The following B3GALT1 variants were observed in gnomAD, a reference collection of about 807,000 sequenced individuals.
B3GALT1 encodes UDP-Gal:betaGlcNAc beta 1,3-galactosyltransferase, polypeptide 1.
B3GALT1 carries 10 observed loss-of-function variants against 23.2 expected under a neutral mutation model. The observed-to-expected ratio is 0.43, with a 90% CI of 0.27 to 0.73. The LOEUF (loss-of-function observed/expected upper bound fraction) is 0.73. B3GALT1 is among the 30% of genes least tolerant of loss of function. The probability of loss-of-function intolerance (pLI) is 0.21; values close to 1 mark genes in which losing one functional copy is unlikely to be tolerated. For synonymous variants in B3GALT1, 156 were observed against 141.5 expected (o/e 1.10, Z -0.73); for missense variants, 299 against 405.4 (o/e 0.74, Z 2.25).
At chr2:167,770,279 T>C (rs1474646369) in intron 3 of B3GALT1, among the ~76,000 whole-genome samples, 1 of 152,172 alleles carries the variant, frequency 6.6e-6, no homozygotes, top group African/African-American at 2.4e-5. Context: ...GCTGTTTCGC[T>C]TCATTTTTAT....
chr2:167,469,967 A>G (rs925159884), intron 1 of B3GALT1, among the ~76,000 whole-genome samples: 3 of 152,160 alleles, frequency 2.0e-5, no homozygotes, highest in African/African-American at 7.2e-5. Context: ...CTTTCCCACA[A>G]TGTTGATTCT....
chr2:167,722,134 G>A (rs1446563268), intron 3 of B3GALT1, among the ~76,000 whole-genome samples: 1 of 152,178 alleles, frequency 6.6e-6, no homozygotes, highest in East Asian at 1.9e-4. Context: ...TCTAGTACCA[G>A]TACTCGTTTA....
chr2:167,804,183 T>A (rs1166880647), intron 3 of B3GALT1, among the ~76,000 whole-genome samples: 1 of 152,082 alleles, frequency 6.6e-6, no homozygotes, highest in Non-Finnish European at 1.5e-5. Context: ...AGAGACGAGA[T>A]TTCACCACGT....
chr2:167,856,609 AAG>A (rs1403676344), intron 4 of B3GALT1, among the ~76,000 whole-genome samples: 5 of 152,190 alleles, frequency 3.3e-5, no homozygotes, highest in Admixed American at 3.3e-4. Context: ...GGAGTGAAAG[AAG>A]AGAGTGACTC....
At chr2:167,502,777 C>T (rs1214088963) in intron 2 of B3GALT1, among the ~76,000 whole-genome samples, 1 of 152,160 alleles carries the variant, frequency 6.6e-6, no homozygotes, top group African/African-American at 2.4e-5. Context: ...CTGTGGCTCA[C>T]GCCTGTAATC....
At chr2:167,483,306 A>G (rs1330427599) in intron 1 of B3GALT1, among the ~76,000 whole-genome samples, 1 of 152,148 alleles carries the variant, frequency 6.6e-6, no homozygotes, top group African/African-American at 2.4e-5. Flanking sequence ...AACAACAACA[A>G]CAAAAACAAC....
At chr2:167,833,506 G>A (rs1004224250) in intron 4 of B3GALT1, among the ~76,000 whole-genome samples, 1 of 152,166 alleles carries the variant, frequency 6.6e-6, no homozygotes, top group Admixed American at 6.5e-5. Context: ...TAATGAATCA[G>A]ATGAAACTCA....
chr2:167,565,118 T>A (rs1161385051), intron 2 of B3GALT1, among the ~76,000 whole-genome samples: 1 of 152,180 alleles, frequency 6.6e-6, no homozygotes, highest in Non-Finnish European at 1.5e-5. Flanking sequence ...ACTACAAGGC[T>A]ACAGTAACCA....
intron 2 of B3GALT1, among the ~76,000 whole-genome samples, chr2:167,646,671 G>A (rs1685752979): frequency 6.6e-6 from 1 of 152,070 alleles, no homozygotes; most frequent in African/African-American, 2.4e-5. Context: ...TTCCCTGAGG[G>A]TGAGTAAGGA....
At chr2:167,661,456 T>C (rs1375795007) in intron 3 of B3GALT1, among the ~76,000 whole-genome samples, 1 of 151,982 alleles carries the variant, frequency 6.6e-6, no homozygotes, top group Admixed American at 6.6e-5. Context: ...TGGTAGCCAC[T>C]CCATTCTAAA....
chr2:167,428,283 C>A (rs543529129), intron 1 of B3GALT1, among the ~76,000 whole-genome samples: 11 of 152,350 alleles, frequency 7.2e-5, no homozygotes, highest in African/African-American at 2.4e-4. Context: ...AAACATACAG[C>A]TGTGAATCCT....
At chr2:167,422,905 A>G (rs1698568965) in intron 1 of B3GALT1, among the ~76,000 whole-genome samples, 1 of 152,106 alleles carries the variant, frequency 6.6e-6, no homozygotes, top group Admixed American at 6.5e-5. Flanking sequence ...CTTTTGGAGG[A>G]TATCATGGGG....
intron 2 of B3GALT1, among the ~76,000 whole-genome samples, chr2:167,562,795 G>A (rs922514701): frequency 1.4e-4 from 21 of 151,954 alleles, no homozygotes; most frequent in African/African-American, 4.1e-4. Flanking sequence ...AGGACCCTGC[G>A]GCCTTCCGCA....
At chr2:167,570,261 G>T (rs908903612) in intron 2 of B3GALT1, among the ~76,000 whole-genome samples, 1 of 151,770 alleles carries the variant, frequency 6.6e-6, no homozygotes, top group Non-Finnish European at 1.5e-5. Context: ...TTAAATGTTT[G>T]GTAGAATTCA....
chr2:167,480,075 C>T (rs1043270691), intron 1 of B3GALT1, among the ~76,000 whole-genome samples: 3 of 152,090 alleles, frequency 2.0e-5, no homozygotes, highest in African/African-American at 4.8e-5. Context: ...ATCTTGGGTT[C>T]TACAGTCATG....
chr2:167,310,035 T>C (rs1463656253), intron 1 of B3GALT1, among the ~76,000 whole-genome samples: 1 of 152,124 alleles, frequency 6.6e-6, no homozygotes, highest in African/African-American at 2.4e-5. Flanking sequence ...GCAAACTGTT[T>C]TCATTTATCA....
chr2:167,336,486 A>G (rs1174536528), intron 1 of B3GALT1, among the ~76,000 whole-genome samples: 1 of 152,212 alleles, frequency 6.6e-6, no homozygotes, highest in African/African-American at 2.4e-5. Flanking sequence ...GCATTCTTAC[A>G]TAAAAGCAGG....
intron 3 of B3GALT1, among the ~76,000 whole-genome samples, chr2:167,663,093 A>G (rs530011773): frequency 7.7e-5 from 11 of 142,028 alleles, no homozygotes; most frequent in African/African-American, 2.9e-4. Flanking sequence ...ATATCTCCCA[A>G]TGCTATCCCT....
At chr2:167,718,112 A>T (rs1219995704) in intron 3 of B3GALT1, among the ~76,000 whole-genome samples, 1 of 152,198 alleles carries the variant, frequency 6.6e-6, no homozygotes, top group Non-Finnish European at 1.5e-5. Context: ...TATAGAGTAC[A>T]CAAGAGGGGA....
Sources: gnomAD v4.1 joint callset for allele counts (sites outside exome capture counted in the v4.1 genomes callset) on GRCh38, gnomAD v4.1.1 for gene constraint, MANE v1.5 for transcripts, NCBI Gene and HGNC (gene_info 2026-07-23, HGNC 2026-07-21) for gene names.